The following POLA1 variants were observed in gnomAD, a reference collection of about 807,000 sequenced individuals.
POLA1 encodes the protein DNA polymerase alpha catalytic subunit.
A neutral mutation model predicts 124.0 loss-of-function variants in POLA1; 15 were observed. The observed-to-expected ratio is 0.12, with a 90% CI of 0.08 to 0.19. The LOEUF (loss-of-function observed/expected upper bound fraction) is 0.19, where lower values mean the gene tolerates loss of function less well. Ranked by LOEUF, POLA1 falls within the 10% of genes least tolerant of loss-of-function variation. POLA1 has a pLI of 1.00. For missense variants in POLA1, 886 were observed against 1,103.4 expected (o/e 0.80, Z 2.79); for synonymous variants, 408 against 389.4 (o/e 1.05, Z -0.56).
At chrX:24,994,125 C>T (rs925783982) in intron 36 of POLA1, among the ~76,000 whole-genome samples, 11 of 112,318 alleles carry the variant, frequency 9.8e-5, no homozygotes, top group Non-Finnish European at 1.5e-4. Flanking sequence ...TCTGGCCTGC[C>T]GGGAGGCAGC....
intron 35 of POLA1, among the ~76,000 whole-genome samples, chrX:24,908,966 T>C: frequency 8.9e-6 from 1 of 112,147 alleles, no homozygotes; most frequent in East Asian, 2.8e-4. Flanking sequence ...GGTTTTGATT[T>C]GCATTTCTGT....
chrX:24,721,150 A>C (rs1930176261), intron 10 of POLA1, among the ~76,000 whole-genome samples: 2 of 113,231 alleles, frequency 1.8e-5, no homozygotes, highest in Non-Finnish European at 1.9e-5. Flanking sequence ...TTTGCAATTG[A>C]AAGAGATACT....
At chrX:24,715,300 CTT>C in intron 6 of POLA1, 97 bp downstream of exon 6, 2 of 578,534 alleles carry the variant, frequency 3.5e-6, no homozygotes, top group Admixed American at 2.9e-5. Context: ...AGAATTTTTT[CTT>C]TTTTTTTGAA....
At chrX:24,904,425 G>GTTT (rs764093390) in intron 35 of POLA1, among the ~76,000 whole-genome samples, 1 of 98,813 alleles carries the variant, frequency 1.0e-5, no homozygotes. Context: ...GCTTTCTTTT[G>GTTT]TTTTTTTTTT....
chrX:24,952,579 C>A (rs1244228979), intron 36 of POLA1, among the ~76,000 whole-genome samples: 1 of 112,220 alleles, frequency 8.9e-6, no homozygotes, highest in Non-Finnish European at 1.9e-5. Context: ...CTGATAGAAG[C>A]CTTGCTATGT....
intron 5 of POLA1, among the ~76,000 whole-genome samples, 183 bp from the exon 6 acceptor site, chrX:24,714,958 T>A (rs1363585955): frequency 8.9e-6 from 1 of 112,199 alleles, no homozygotes. Flanking sequence ...GCTATAGATG[T>A]AGGAATGCTA....
chrX:24,927,245 A>T (rs1380719995), intron 35 of POLA1, among the ~76,000 whole-genome samples: 1 of 111,359 alleles, frequency 9.0e-6, no homozygotes, highest in Non-Finnish European at 1.9e-5. Flanking sequence ...GATAATATTG[A>T]TAAATGGATT....
intron 26 of POLA1, among the ~76,000 whole-genome samples, chrX:24,762,787 G>T (rs371999503): frequency 9.1e-6 from 1 of 110,473 alleles, no homozygotes; most frequent in East Asian, 2.8e-4. Context: ...GCCCAGGCTG[G>T]AGTACAGTGG....
At chrX:24,897,544 A>G (rs2047223952) in intron 35 of POLA1, among the ~76,000 whole-genome samples, 1 of 111,970 alleles carries the variant, frequency 8.9e-6, no homozygotes. Flanking sequence ...GCCCACGTCT[A>G]CAAACGAAAA....
At chrX:24,947,904 CAG>C (rs1450613451) in intron 36 of POLA1, among the ~76,000 whole-genome samples, 2 of 112,315 alleles carry the variant, frequency 1.8e-5, no homozygotes, top group Non-Finnish European at 3.8e-5. Context: ...TATACTCTAA[CAG>C]AGTAATCATT....
intron 36 of POLA1, among the ~76,000 whole-genome samples, chrX:24,948,835 G>C (rs1322798745): frequency 1.8e-5 from 2 of 111,617 alleles, no homozygotes; most frequent in Non-Finnish European, 3.8e-5. Flanking sequence ...AGAAGACTTT[G>C]GCTTTTATAT....
intron 34 of POLA1, among the ~76,000 whole-genome samples, chrX:24,870,564 T>C (rs1173900898): frequency 8.9e-6 from 1 of 111,862 alleles, no homozygotes; most frequent in East Asian, 2.8e-4. Flanking sequence ...TCCAGGCCCA[T>C]TTTCTTCTTT....
At chrX:24,912,971 T>C (rs907032918) in intron 35 of POLA1, among the ~76,000 whole-genome samples, 6 of 111,771 alleles carry the variant, frequency 5.4e-5, no homozygotes, top group Non-Finnish European at 9.4e-5. Context: ...AAGAGTAATA[T>C]ACACTTAACA....
At chrX:24,930,361 G>T (rs1290156924) in intron 35 of POLA1, 92 bp from the exon 36 acceptor site, 1 of 593,946 alleles carries the variant, frequency 1.7e-6, no homozygotes. Flanking sequence ...TGATTTGGAA[G>T]TTGAAAGTAG....
intron 35 of POLA1, among the ~76,000 whole-genome samples, chrX:24,916,313 G>A (rs1439130058): frequency 2.0e-5 from 2 of 98,229 alleles, no homozygotes; most frequent in African/African-American, 8.4e-5. Flanking sequence ...AGGCAGTCTC[G>A]CTGTGTCGCT....
At chrX:24,847,846 A>G (rs187411368) in intron 34 of POLA1, among the ~76,000 whole-genome samples, 2 of 112,263 alleles carry the variant, frequency 1.8e-5, no homozygotes, top group East Asian at 5.6e-4. Context: ...TTGCTGTCAG[A>G]TTGGCGGAAG....
chrX:24,820,183 C>T (rs971073813), intron 30 of POLA1, among the ~76,000 whole-genome samples: 2 of 111,680 alleles, frequency 1.8e-5, no homozygotes, highest in African/African-American at 6.5e-5. Flanking sequence ...GTGAAGAATA[C>T]AGTGACTGTT....
Position 24,726,071 on chromosome X carries a change from A to G in POLA1, c.1392+16A>G. The G allele has an allele frequency of 9.9e-7, 1 of 1,006,961 alleles. No homozygotes were observed. The highest frequency in any genetic ancestry group is 1.4e-6 in the Non-Finnish European group (1 of 719,470). The allele number at this position is 1,006,961 out of a possible 1,213,427, so 83.0% of individuals were successfully genotyped here. A position where few individuals can be genotyped will look rare whatever the true frequency, so the allele number is the denominator to read the frequency against. Reference sequence around the variant, plus strand: ...TAAATACTCGGTAAGTCAAACAAAGAAAATTACTGGGTTTTGCTTGAGAAT... The same window carrying G: ...TAAATACTCGGTAAGTCAAACAAAGGAAATTACTGGGTTTTGCTTGAGAAT... On this transcript the variant is annotated intron_variant, in intron 13 of 36. Coordinates refer to ENST00000379068, the MANE Select transcript of POLA1 (RefSeq NM_001330360.2).
In POLA1 at chrX:24,709,169, C is replaced by T. The variant is rs1235019097; in HGVS notation, c.346+4700C>T. ...GCAGAGGCGCCCCTCACCTCCCGGA[C>T]GGGGCGGCTGGCCGGGCAGGGGGGC... On this transcript the variant is annotated intron_variant, in intron 4 of 36. Coordinates refer to ENST00000379068, the MANE Select transcript of POLA1 (RefSeq NM_001330360.2). Among the ~76,000 whole-genome samples the T allele has an allele frequency of 1.9e-4, 16 of 83,281 alleles. No individual in the cohort carries two copies. The East Asian group carries it at 5.4e-3, about 28-fold the overall frequency. The allele number at this position is 83,281 out of a possible 115,157, so 72.3% of individuals were successfully genotyped here.
Sources: allele counts gnomAD v4.1 joint callset (sites outside exome capture counted in the v4.1 genomes callset), GRCh38; gene constraint gnomAD v4.1.1; transcripts MANE v1.5; gene names NCBI Gene and HGNC (gene_info 2026-07-23, HGNC 2026-07-21).